The following PCDHGB4 variants were observed in gnomAD, a reference collection of about 807,000 sequenced individuals.
The protein encoded by PCDHGB4 is protocadherin gamma subfamily B, 4.
In PCDHGB4, 38 loss-of-function variants were observed where a neutral mutation model predicts 60.5. The observed-to-expected ratio is 0.63, with a 90% CI of 0.48 to 0.82. The LOEUF is 0.82. PCDHGB4 is among the 40% of genes least tolerant of loss of function. The pLI, the probability that PCDHGB4 is intolerant of heterozygous loss-of-function variation, is 0.00. For synonymous variants in PCDHGB4, 456 were observed against 509.7 expected (o/e 0.89, Z 1.42); for missense variants, 1,109 against 1,209.6 (o/e 0.92, Z 1.23).
At chr5:141,419,017 A>G (rs1478763916) in intron 1 of PCDHGB4, 4 of 1,613,928 alleles carry the variant, frequency 2.5e-6, no homozygotes, top group Non-Finnish European at 3.4e-6. Flanking sequence ...GGTGTAGCTT[A>G]AGTAGAGGTG....
Position 141,487,341 on chromosome 5 carries a change from TC to T in PCDHGB4, c.2398-7465del, listed in dbSNP as rs778559139. Reference sequence around the variant, plus strand: ...TGTCTTCGTGGGGCAGCCTGTGGAGTCACATGCTTTCCTGCTGGCACCTGTG... The same window carrying T: ...TGTCTTCGTGGGGCAGCCTGTGGAGTACATGCTTTCCTGCTGGCACCTGTG... On this transcript the variant is annotated intron_variant, in intron 1 of 3. Transcript: ENST00000519479. This position sits in a 1 kb window ranked among gnomAD's most constrained non-coding sequence, Gnocchi z 5.0. 1 of 1,614,012 alleles carries T rather than the reference TC, an allele frequency of 6.2e-7. No homozygotes were observed. The highest frequency in any genetic ancestry group is 1.1e-5 in the South Asian group (1 of 91,074).
chr5:141,470,459 A>T (rs59770804), intron 1 of PCDHGB4, among the ~76,000 whole-genome samples: 32,627 of 152,034 alleles, frequency 0.21, 3,610 homozygotes, highest in African/African-American at 0.27. Context: ...CTTGAATAGG[A>T]TTTTCTGATA....
intron 1 of PCDHGB4, chr5:141,396,327 A>C (rs1370175057): frequency 6.6e-6 from 1 of 152,430 alleles, no homozygotes; most frequent in Non-Finnish European, 1.5e-5. Flanking sequence ...CTCTAAAAAA[A>C]CTATTATTAG....
chr5:141,407,200 G>A (rs1054595818), intron 1 of PCDHGB4, among the ~76,000 whole-genome samples: 2 of 152,228 alleles, frequency 1.3e-5, no homozygotes, highest in East Asian at 1.9e-4. Context: ...TTTCAAACAC[G>A]TTTTCCCCCT....
In PCDHGB4 at chr5:141,389,530, T is replaced by C. The variant is rs963241883; in HGVS notation, c.1646T>C (p.Leu549Ser). Residue 549 changes from leucine (L) to serine (S), a missense_variant, in exon 1 of 4, where the codon TTA becomes TCA. Leu to Ser is a moderately radical substitution (Grantham distance 145, BLOSUM62 -2). Around this residue, in one of 2 missense-constraint regions of PCDHGB4, gnomAD observed 1,068 missense variants for 1,089.9 expected, o/e 0.98. Transcript: ENST00000519479. ...ALSANVSLRV[L>S]VDDRNDNAPR... ...AGCGCGAACGTGAGCCTGCGCGTGT[T>C]AGTGGACGACCGCAACGACAATGCG... is the stretch of plus-strand genomic sequence containing the variant. The C allele has an allele frequency of 6.2e-7, 1 of 1,613,208 alleles. No homozygotes were observed. Among genetic ancestry groups the C allele is most frequent in the African/African-American group, 1.3e-5 (1 of 75,062 alleles).
At chr5:141,403,662 A>T in intron 1 of PCDHGB4, 1 of 1,613,902 alleles carries the variant, frequency 6.2e-7, no homozygotes, top group Non-Finnish European at 8.5e-7. Context: ...GATACAAATG[A>T]TAATGCCCCG....
chr5:141,395,209 A>G, intron 1 of PCDHGB4: 1 of 1,613,372 alleles, frequency 6.2e-7, no homozygotes, highest in Non-Finnish European at 8.5e-7. Flanking sequence ...GATTTTCATG[A>G]ATATAAGAAT....
chr5:141,417,923 C>T, intron 1 of PCDHGB4: 1 of 1,608,652 alleles, frequency 6.2e-7, no homozygotes, highest in Non-Finnish European at 8.5e-7. Context: ...TCCTTTGCTG[C>T]TGCCTTTGTT....
intron 1 of PCDHGB4, chr5:141,394,262 G>A: frequency 6.2e-7 from 1 of 1,613,952 alleles, no homozygotes; most frequent in Non-Finnish European, 8.5e-7. Flanking sequence ...ACAGCCAGGA[G>A]AATGCCCAGG....
At chr5:141,458,172 T>A (rs1023447659) in intron 1 of PCDHGB4, among the ~76,000 whole-genome samples, 2 of 152,216 alleles carry the variant, frequency 1.3e-5, no homozygotes, top group African/African-American at 4.8e-5. Flanking sequence ...CACAGTAGTA[T>A]ACCTTACTTG....
chr5:141,409,945 T>C (rs777813706), intron 1 of PCDHGB4: 11 of 1,613,312 alleles, frequency 6.8e-6, no homozygotes, highest in Non-Finnish European at 9.3e-6. Flanking sequence ...TACCTCGCTC[T>C]GCAGAGCCCG....
At position 141,491,196 on chromosome 5, in the gene PCDHGB4, T is replaced by C. The variant is rs899789155; in HGVS notation, c.2398-3611T>C. ...TGGTGGTCCTGGTGAGGGACAATGGTGACCCTTCACTCTCCTCCACAGCCA... is the reference window on the plus strand; with the variant it reads ...TGGTGGTCCTGGTGAGGGACAATGGCGACCCTTCACTCTCCTCCACAGCCA... On this transcript the variant is annotated intron_variant, in intron 1 of 3. Transcript: ENST00000519479. The surrounding 1 kb of genome is among the most constrained non-coding windows in gnomAD (Gnocchi z 6.9). The C allele has an allele frequency of 6.8e-6, 11 of 1,614,186 alleles. No homozygotes were observed. The highest frequency in any genetic ancestry group is 9.3e-6 in the Non-Finnish European group (11 of 1,180,030).
rs1329158220 is a variant in PCDHGB4, at chr5:141,413,339, A to G, written c.2397+23058A>G. On this transcript the variant is annotated intron_variant, in intron 1 of 3. Coordinates refer to ENST00000519479, the MANE Select transcript of PCDHGB4 (RefSeq NM_003736.4). Reference sequence around the variant, plus strand: ...TCTTTCGTGGGCAACATCTCCAAGGACTTGGGTCTGGCGCCCCGGGAGCTG... The same window carrying G: ...TCTTTCGTGGGCAACATCTCCAAGGGCTTGGGTCTGGCGCCCCGGGAGCTG... The G allele has an allele frequency of 1.3e-5, 21 of 1,613,832 alleles. No individual in the cohort carries two copies. Among genetic ancestry groups the G allele is most frequent in the African/African-American group, 2.7e-5 (2 of 74,940 alleles).
At chr5:141,430,786 C>G (rs992448490) in intron 1 of PCDHGB4, 1 of 1,513,352 alleles carries the variant, frequency 6.6e-7, no homozygotes, top group Non-Finnish European at 8.8e-7. Context: ...TGCACCGGGA[C>G]TACAAAGGGC....
At chr5:141,464,415 C>A (rs1185416197) in intron 1 of PCDHGB4, among the ~76,000 whole-genome samples, 2 of 150,854 alleles carry the variant, frequency 1.3e-5, no homozygotes, top group Admixed American at 6.6e-5. Context: ...ATATATATAT[C>A]TATATATATA....
At chr5:141,510,810 A>G (rs1455434913) in intron 3 of PCDHGB4, 137 bp from the exon 4 acceptor site, 19 of 1,519,650 alleles carry the variant, frequency 1.3e-5, no homozygotes, top group Admixed American at 2.0e-5. Flanking sequence ...TACCTTGGTG[A>G]CCCCTATATT....
At chr5:141,392,719 C>T (rs1044889578) in intron 1 of PCDHGB4, 60 of 1,382,980 alleles carry the variant, frequency 4.3e-5, no homozygotes, top group African/African-American at 2.9e-5. Context: ...TCCAGGTTTC[C>T]GGAGGATTGT....
chr5:141,482,530 C>CAAAAAAAAAAAAAAAAAA (rs3074545), intron 1 of PCDHGB4, among the ~76,000 whole-genome samples: 1 of 76,562 alleles, frequency 1.3e-5, no homozygotes, highest in Non-Finnish European at 2.6e-5. Flanking sequence ...GACAGACATG[C>CAAAAAAAAAAAAAAAAAA]AAAAAAAAAA....
Position 141,388,858 on chromosome 5 carries a change from T to C in PCDHGB4, c.974T>C (p.Met325Thr), listed in dbSNP as rs1217000654. The C allele has an allele frequency of 6.2e-7, 1 of 1,613,984 alleles. No homozygotes were observed. Among genetic ancestry groups the C allele is most frequent in the Non-Finnish European group, 8.5e-7 (1 of 1,179,876 alleles). Reference sequence around the variant, plus strand: ...TTGGAAGCAAGGGACGGTGGAGGAATGATTGCGCAATGCACAGTGGAGGTA... The same window carrying C: ...TTGGAAGCAAGGGACGGTGGAGGAACGATTGCGCAATGCACAGTGGAGGTA... Reference protein sequence around the residue: ...IVLEARDGGGMIAQCTVEVEV... With the variant: ...IVLEARDGGGTIAQCTVEVEV... Residue 325 changes from methionine to threonine, a missense_variant, in exon 1 of 4, where the codon ATG becomes ACG. By Grantham distance (81) the Met-to-Thr change is moderately conservative. Transcript: ENST00000519479.
Sources: allele counts gnomAD v4.1 joint callset (sites outside exome capture counted in the v4.1 genomes callset), GRCh38; gene constraint gnomAD v4.1.1; regional missense constraint gnomAD v4.1.1; non-coding constraint Gnocchi (gnomAD v3.1); transcripts MANE v1.5; gene names NCBI Gene and HGNC (gene_info 2026-07-23, HGNC 2026-07-21).